LIPC: variants seen among roughly 807,000 people sequenced by gnomAD.
LIPC encodes the protein lipase C, hepatic type, also known as hepatic triacylglycerol lipase.
In LIPC, 44 loss-of-function variants were observed where a neutral mutation model predicts 50.7. The observed-to-expected ratio is 0.87, with a 90% CI of 0.68 to 1.11. LIPC has a LOEUF of 1.11. LIPC is among the 50% of genes most tolerant of loss of function. The probability of loss-of-function intolerance (pLI) is 0.00; values close to 1 mark genes in which losing one functional copy is unlikely to be tolerated. For synonymous variants in LIPC, 271 were observed against 256.4 expected (o/e 1.06, Z -0.54); for missense variants, 697 against 648.2 (o/e 1.08, Z -0.82).
chr15:58,471,138 T>TC (rs1894781082), intron 1 of LIPC, among the ~76,000 whole-genome samples: 1 of 142,774 alleles, frequency 7.0e-6, no homozygotes, highest in African/African-American at 2.6e-5. Flanking sequence ...TTTTCTCTTT[T>TC]TTTTTTTTTT....
chr15:58,541,973 G>A lies in LIPC; in HGVS notation c.456+6G>A, dbSNP rs762996192. The A allele has an allele frequency of 8.7e-6, 14 of 1,604,618 alleles. No homozygotes were observed. The highest frequency in any genetic ancestry group is 3.4e-5 in the Admixed American group (2 of 59,490). Reference sequence around the variant, plus strand: ...CTCTTCTCCGGTGGCTGGAGGTACCGACCTGCCCCATCCTTCCTTCACCTC... The same window carrying A: ...CTCTTCTCCGGTGGCTGGAGGTACCAACCTGCCCCATCCTTCCTTCACCTC... On this transcript the variant is annotated splice_donor_region_variant and intron_variant, in intron 3 of 8. Transcript: ENST00000299022.
intron 1 of LIPC, among the ~76,000 whole-genome samples, chr15:58,515,578 C>A (rs553049945): frequency 9.4e-5 from 14 of 148,600 alleles, no homozygotes; most frequent in Non-Finnish European, 1.9e-4. Flanking sequence ...AAAACCCATA[C>A]TTTAAAAAAC....
chr15:58,440,037 C>G (rs559359548), intron 1 of LIPC, among the ~76,000 whole-genome samples: 29 of 152,318 alleles, frequency 1.9e-4, no homozygotes, highest in African/African-American at 6.7e-4. Flanking sequence ...CTCCTGGATA[C>G]TGACTTCTTC....
Position 58,545,958 on chromosome 15 carries a change from C to A in LIPC, c.791C>A (p.Ala264Asp). ...TTCCTAGAGCTCTACAGACATATTG[C>A]CCAGCACGGCTTCAATGGTGAGAAT... ...CHFLELYRHIAQHGFNAITQT... is the reference protein window; with the variant it reads ...CHFLELYRHIDQHGFNAITQT... The change falls in exon 5 of 9, where the codon GCC becomes GAC. Residue 264 changes from alanine to aspartate, a missense_variant. Coordinates refer to ENST00000299022, the MANE Select transcript of LIPC (RefSeq NM_000236.3). 2 of 1,613,430 alleles carry A rather than the reference C, an allele frequency of 1.2e-6. No homozygotes were observed. Among genetic ancestry groups the A allele is most frequent in the Non-Finnish European group, 1.7e-6 (2 of 1,179,310 alleles).
intron 1 of LIPC, among the ~76,000 whole-genome samples, chr15:58,491,429 T>C (rs1891583815): frequency 6.6e-6 from 1 of 152,206 alleles, no homozygotes; most frequent in Non-Finnish European, 1.5e-5. Flanking sequence ...AATACTATCT[T>C]GGTTGTCAGG....
intron 2 of LIPC, 159 bp from the exon 3 acceptor site, chr15:58,541,626 C>T: frequency 1.3e-6 from 1 of 750,098 alleles, no homozygotes. Flanking sequence ...CAAGACAGCC[C>T]CCACAACAAG....
chr15:58,473,572 G>T (rs578078556), intron 1 of LIPC: 1 of 152,252 alleles, frequency 6.6e-6, no homozygotes, highest in African/African-American at 2.4e-5. Flanking sequence ...AGAAAAAACT[G>T]CTCCAGTTAA....
intron 1 of LIPC, among the ~76,000 whole-genome samples, chr15:58,486,656 G>A (rs1246648258): frequency 6.6e-6 from 1 of 152,172 alleles, no homozygotes; most frequent in African/African-American, 2.4e-5. Context: ...AGAGAGGGGA[G>A]GCAACGCAGG....
intron 1 of LIPC, among the ~76,000 whole-genome samples, chr15:58,485,534 G>A (rs917065756): frequency 5.2e-5 from 7 of 135,112 alleles, no homozygotes; most frequent in African/African-American, 1.9e-4. Context: ...CGGGCTAAGG[G>A]CTGTTTCCTT....
intron 1 of LIPC, among the ~76,000 whole-genome samples, chr15:58,496,743 CAAAA>C (rs10716717): frequency 3.5e-5 from 4 of 114,170 alleles, no homozygotes; most frequent in Non-Finnish European, 3.5e-5. Flanking sequence ...TCTTCCCCCT[CAAAA>C]AAAAAAAAAA....
intron 6 of LIPC, among the ~76,000 whole-genome samples, chr15:58,554,737 G>T (rs557314024): frequency 1.3e-3 from 204 of 152,260 alleles, no homozygotes; most frequent in African/African-American, 4.6e-3. Flanking sequence ...TACAAAAGAG[G>T]AGGAGGAAGA....
intron 1 of LIPC, among the ~76,000 whole-genome samples, chr15:58,508,794 C>G (rs1417123966): frequency 1.3e-5 from 2 of 152,130 alleles, no homozygotes; most frequent in Admixed American, 6.5e-5. Flanking sequence ...CAGGAAGAAC[C>G]AACCAACCTG....
intron 1 of LIPC, among the ~76,000 whole-genome samples, chr15:58,484,097 C>T (rs1301095215): frequency 6.6e-6 from 1 of 152,142 alleles, no homozygotes; most frequent in Admixed American, 6.6e-5. Flanking sequence ...GACCCTCTGG[C>T]TCTATCTTTT....
chr15:58,494,603 A>C (rs1291726615), intron 1 of LIPC, among the ~76,000 whole-genome samples: 2 of 152,244 alleles, frequency 1.3e-5, no homozygotes, highest in Non-Finnish European at 2.9e-5. Flanking sequence ...CATAGTTGTG[A>C]GGACTCCTAT....
intron 1 of LIPC, among the ~76,000 whole-genome samples, chr15:58,464,278 G>A (rs76552442): frequency 0.023 from 3,442 of 151,390 alleles, 102 homozygotes; most frequent in African/African-American, 0.073. Context: ...TACTCATAAC[G>A]CAGGTGCGAT....
chr15:58,489,308 G>A (rs1024936999), intron 1 of LIPC, among the ~76,000 whole-genome samples: 11 of 145,282 alleles, frequency 7.6e-5, no homozygotes, highest in African/African-American at 1.0e-4. Flanking sequence ...CTTCCTATTC[G>A]CTGCATAGAC....
intron 1 of LIPC, among the ~76,000 whole-genome samples, chr15:58,512,813 A>G (rs1417275891): frequency 6.6e-6 from 1 of 152,186 alleles, no homozygotes; most frequent in Non-Finnish European, 1.5e-5. Context: ...CCTGTCCTCA[A>G]GGTACTTACA....
At chr15:58,444,947 A>C (rs1393925025) in intron 1 of LIPC, among the ~76,000 whole-genome samples, 1 of 152,248 alleles carries the variant, frequency 6.6e-6, no homozygotes, top group Non-Finnish European at 1.5e-5. Flanking sequence ...CTTCCGCGTT[A>C]GAAAAAAGGC....
At chr15:58,469,715 A>T (rs886539357) in intron 1 of LIPC, among the ~76,000 whole-genome samples, 3 of 152,164 alleles carry the variant, frequency 2.0e-5, no homozygotes, top group Non-Finnish European at 4.4e-5. Flanking sequence ...GCCGTTGCAA[A>T]ACTCCTTGAG....
Sources: gnomAD v4.1 joint callset for allele counts (sites outside exome capture counted in the v4.1 genomes callset) on GRCh38, gnomAD v4.1.1 for gene constraint, MANE v1.5 for transcripts, NCBI Gene and HGNC (gene_info 2026-07-23, HGNC 2026-07-21) for gene names.